Variants in UTRN observed in about 807,000 individuals in gnomAD.
UTRN encodes utrophin.
A neutral mutation model predicts 463.9 loss-of-function variants in UTRN; 283 were observed. That is an observed-to-expected ratio of 0.61 (90% CI 0.55 to 0.67). UTRN has a LOEUF of 0.67. Among genes scored for constraint, UTRN ranks in the 30% least tolerant of loss-of-function variants. UTRN has a pLI of 0.00. For missense variants in UTRN, 3,922 were observed against 4,084.3 expected (o/e 0.96, Z 1.08); for synonymous variants, 1,442 against 1,431.5 (o/e 1.01, Z -0.17).
At chr6:144,775,959 A>G (rs950485208) in intron 60 of UTRN, among the ~76,000 whole-genome samples, 1 of 152,188 alleles carries the variant, frequency 6.6e-6, no homozygotes, top group Non-Finnish European at 1.5e-5. Context: ...ATGACAATTA[A>G]ACAACTAAAT....
intron 43 of UTRN, among the ~76,000 whole-genome samples, chr6:144,533,935 C>T (rs1033672228): frequency 2.6e-5 from 4 of 151,782 alleles, no homozygotes; most frequent in South Asian, 2.1e-4. Context: ...TCATATATTC[C>T]GTCATTAATG....
chr6:144,516,688 C>G, intron 38 of UTRN, 123 bp from the exon 39 acceptor site: 2 of 774,222 alleles, frequency 2.6e-6, no homozygotes, highest in Non-Finnish European at 3.7e-6. Context: ...TTTGATCGTT[C>G]AGGTTAACAT....
At chr6:144,491,146 A>C in intron 32 of UTRN, 44 bp downstream of exon 32, 1 of 1,555,968 alleles carries the variant, frequency 6.4e-7, no homozygotes, top group Non-Finnish European at 8.7e-7. Flanking sequence ...CTTTTTCAGC[A>C]GCTGTTATGG....
intron 51 of UTRN, among the ~76,000 whole-genome samples, chr6:144,579,819 C>G (rs1313511779): frequency 6.6e-6 from 1 of 152,046 alleles, no homozygotes; most frequent in African/African-American, 2.4e-5. Flanking sequence ...TACTAAGAGT[C>G]CACTAAAATT....
At chr6:144,775,048 T>A (rs774384038) in intron 60 of UTRN, among the ~76,000 whole-genome samples, 1 of 152,182 alleles carries the variant, frequency 6.6e-6, no homozygotes, top group Non-Finnish European at 1.5e-5. Flanking sequence ...CCTTGTCAGA[T>A]AGTTGATGTG....
intron 65 of UTRN, among the ~76,000 whole-genome samples, chr6:144,815,697 A>G (rs970746738): frequency 2.6e-5 from 4 of 152,240 alleles, no homozygotes; most frequent in African/African-American, 7.2e-5. Flanking sequence ...TGTTCTAGCC[A>G]TACTGGCAAG....
At chr6:144,768,030 G>A (rs1447063029) in intron 58 of UTRN, among the ~76,000 whole-genome samples, 6 of 152,168 alleles carry the variant, frequency 3.9e-5, no homozygotes, top group Non-Finnish European at 5.9e-5. Flanking sequence ...CCACTCTAAT[G>A]AGGACAAATG....
At chr6:144,493,018 A>C (rs1585002380) in intron 32 of UTRN, among the ~76,000 whole-genome samples, 1 of 152,218 alleles carries the variant, frequency 6.6e-6, no homozygotes, top group Non-Finnish European at 1.5e-5. Context: ...TTATGTAGGA[A>C]AAATATTTAT....
At chr6:144,419,892 G>C (rs1170164729) in intron 3 of UTRN, among the ~76,000 whole-genome samples, 2 of 152,080 alleles carry the variant, frequency 1.3e-5, no homozygotes, top group African/African-American at 4.8e-5. Context: ...AAGCTGTTGA[G>C]TGTGCAGAAA....
At chr6:144,504,241 TCCTGATTGC>T (rs1794496573) in intron 34 of UTRN, among the ~76,000 whole-genome samples, 1 of 152,038 alleles carries the variant, frequency 6.6e-6, no homozygotes, top group South Asian at 2.1e-4. Flanking sequence ...TCTTTCTCTT[TCCTGATTGC>T]CCTGGCCAGA....
intron 3 of UTRN, among the ~76,000 whole-genome samples, chr6:144,409,121 T>C (rs1019926450): frequency 2.0e-5 from 3 of 152,362 alleles, no homozygotes; most frequent in East Asian, 3.9e-4. Context: ...TACTCCATAT[T>C]CTTAAACACC....
At chr6:144,666,187 C>G (rs1180866734) in intron 51 of UTRN, among the ~76,000 whole-genome samples, 1 of 152,130 alleles carries the variant, frequency 6.6e-6, no homozygotes, top group African/African-American at 2.4e-5. Context: ...ATCTGACAGC[C>G]TCCCATGCTG....
At chr6:144,489,243 G>A (rs1792791468) in intron 30 of UTRN, among the ~76,000 whole-genome samples, 3 of 152,028 alleles carry the variant, frequency 2.0e-5, no homozygotes. Flanking sequence ...TAGAGACGGG[G>A]TTTCGCCATG....
At chr6:144,333,694 G>A (rs892840590) in intron 2 of UTRN, among the ~76,000 whole-genome samples, 2 of 152,000 alleles carry the variant, frequency 1.3e-5, no homozygotes, top group African/African-American at 2.4e-5. Flanking sequence ...AGGGGTGGAC[G>A]GTTTGCATCT....
intron 30 of UTRN, among the ~76,000 whole-genome samples, 193 bp downstream of exon 30, chr6:144,489,027 GTTTATTTTAT>G (rs141795341): frequency 2.4e-4 from 35 of 148,464 alleles, no homozygotes; most frequent in African/African-American, 5.5e-4. Context: ...GTCTTATATA[GTTTATTTTAT>G]TTTATTTTAT....
At chr6:144,675,290 G>A (rs529747172) in intron 51 of UTRN, among the ~76,000 whole-genome samples, 5 of 152,320 alleles carry the variant, frequency 3.3e-5, no homozygotes, top group African/African-American at 1.2e-4. Flanking sequence ...TGTCTGCAAA[G>A]AGTCCTGTAA....
intron 51 of UTRN, among the ~76,000 whole-genome samples, chr6:144,634,879 A>G (rs76796350): frequency 0.043 from 6,557 of 152,054 alleles, 207 homozygotes; most frequent in Middle Eastern, 0.071. Flanking sequence ...ATAATATTCC[A>G]CTGTGTGGAT....
At chr6:144,292,191 C>T (rs1470402118) in intron 2 of UTRN, among the ~76,000 whole-genome samples, 1 of 152,122 alleles carries the variant, frequency 6.6e-6, no homozygotes, top group Non-Finnish European at 1.5e-5. Flanking sequence ...TAAAATACGA[C>T]CGAACATTTC....
chr6:144,664,548 C>T (rs1780197527), intron 51 of UTRN, among the ~76,000 whole-genome samples: 1 of 150,802 alleles, frequency 6.6e-6, no homozygotes, highest in Admixed American at 6.6e-5. Context: ...AAGCTATCCA[C>T]CCACCTCGAG....
Sources: allele counts gnomAD v4.1 joint callset (sites outside exome capture counted in the v4.1 genomes callset), GRCh38; gene constraint gnomAD v4.1.1; transcripts MANE v1.5; gene names NCBI Gene and HGNC (gene_info 2026-07-23, HGNC 2026-07-21).